GHR: variants seen among roughly 807,000 people sequenced by gnomAD.
GHR encodes the protein growth hormone receptor, also known as GH receptor.
GHR carries 35 observed loss-of-function variants against 67.1 expected under a neutral mutation model. The ratio of observed to expected loss-of-function variants is 0.52; its 90% CI spans 0.40 to 0.69. The LOEUF is 0.69. Ranked by LOEUF, GHR falls within the 30% of genes least tolerant of loss-of-function variation. GHR has a pLI of 0.00. For missense variants in GHR, 792 were observed against 764.6 expected, an observed-to-expected ratio of 1.04 and a Z score of -0.42; for synonymous variants, 272 against 269.1, an observed-to-expected ratio of 1.01 and a Z score of -0.10.
At chr5:42,646,935 T>C (rs1204844875) in intron 3 of GHR, among the ~76,000 whole-genome samples, 1 of 152,142 alleles carries the variant, frequency 6.6e-6, no homozygotes, top group African/African-American at 2.4e-5. Flanking sequence ...TTTTTTGGCT[T>C]CTTGAGATCT....
intron 2 of GHR, among the ~76,000 whole-genome samples, chr5:42,568,891 G>C (rs1335305547): frequency 1.3e-5 from 2 of 152,160 alleles, no homozygotes; most frequent in Non-Finnish European, 2.9e-5. Context: ...TGCACCTATG[G>C]CTATGAGGAA....
intron 1 of GHR, among the ~76,000 whole-genome samples, chr5:42,560,564 A>C (rs1356320086): frequency 6.6e-6 from 1 of 152,164 alleles, no homozygotes; most frequent in Non-Finnish European, 1.5e-5. Flanking sequence ...TCTTCACATT[A>C]AATTCACATG....
At chr5:42,466,203 G>A (rs1351684469) in intron 1 of GHR, among the ~76,000 whole-genome samples, 1 of 152,064 alleles carries the variant, frequency 6.6e-6, no homozygotes, top group African/African-American at 2.4e-5. Flanking sequence ...TTGAGGGCTT[G>A]GCCATGCACA....
intron 3 of GHR, among the ~76,000 whole-genome samples, chr5:42,637,091 G>A (rs1327700466): frequency 6.6e-6 from 1 of 152,062 alleles, no homozygotes; most frequent in African/African-American, 2.4e-5. Flanking sequence ...TGGCAAACAG[G>A]CCCTCAGACC....
intron 1 of GHR, among the ~76,000 whole-genome samples, chr5:42,508,164 A>C (rs73083478): frequency 6.6e-6 from 1 of 152,170 alleles, no homozygotes; most frequent in African/African-American, 2.4e-5. Context: ...AGCAGCCAGG[A>C]GAATTGCTGG....
At chr5:42,707,218 C>T (rs1054226773) in intron 6 of GHR, among the ~76,000 whole-genome samples, 8 of 151,634 alleles carry the variant, frequency 5.3e-5, no homozygotes, top group African/African-American at 1.7e-4. Flanking sequence ...CTCCACATAC[C>T]GCCCCCCCAA....
At chr5:42,665,048 C>T (rs1193763240) in intron 3 of GHR, among the ~76,000 whole-genome samples, 1 of 152,170 alleles carries the variant, frequency 6.6e-6, no homozygotes, top group African/African-American at 2.4e-5. Flanking sequence ...CAATGAGATA[C>T]CATCTCACAC....
intron 1 of GHR, among the ~76,000 whole-genome samples, chr5:42,496,595 G>A (rs770135427): frequency 6.6e-5 from 10 of 152,084 alleles, no homozygotes; most frequent in African/African-American, 1.7e-4. Flanking sequence ...TGTCAGGTAC[G>A]TCTTGTCCCA....
chr5:42,463,384 G>T (rs989656591), intron 1 of GHR, among the ~76,000 whole-genome samples: 3 of 152,168 alleles, frequency 2.0e-5, no homozygotes, highest in Non-Finnish European at 4.4e-5. Context: ...TACATCCCAA[G>T]ATTATGAGGG....
chr5:42,426,248 A>G (rs1742848984), intron 1 of GHR, among the ~76,000 whole-genome samples: 1 of 152,226 alleles, frequency 6.6e-6, no homozygotes, highest in Admixed American at 6.5e-5. Flanking sequence ...TTCCAAGTGC[A>G]TGAAGCAAAT....
At chr5:42,644,082 A>G (rs374578976) in intron 3 of GHR, among the ~76,000 whole-genome samples, 1 of 151,936 alleles carries the variant, frequency 6.6e-6, no homozygotes, top group East Asian at 1.9e-4. Flanking sequence ...CTCTAATGAC[A>G]TAATAGATTT....
In GHR at chr5:42,718,940, C is replaced by T. The variant is rs1758872741; in HGVS notation, c.1433C>T (p.Pro478Leu). The stretch of plus-strand genomic sequence containing the variant: ...GCTGCCCATATTCAGCTAAGCAATC[C>T]AAGTTCACTGTCAAACATCGACTTT... ...HQAAHIQLSNPSSLSNIDFYA... is the reference protein window; with the variant it reads ...HQAAHIQLSNLSSLSNIDFYA... The change falls in exon 10 of 10, where the codon CCA becomes CTA. Residue 478 changes from proline (P) to leucine (L), a missense_variant. Coordinates refer to ENST00000230882, the MANE Select transcript of GHR (RefSeq NM_000163.5). The T allele has an allele frequency of 1.9e-6, 3 of 1,613,968 alleles. No homozygotes were observed. Among genetic ancestry groups the T allele is most frequent in the Non-Finnish European group, 2.5e-6 (3 of 1,179,884 alleles).
At chr5:42,498,162 C>G (rs1746396903) in intron 1 of GHR, among the ~76,000 whole-genome samples, 1 of 152,204 alleles carries the variant, frequency 6.6e-6, no homozygotes, top group African/African-American at 2.4e-5. Context: ...ACCTTGGGTT[C>G]CTGCTGCTCA....
intron 1 of GHR, among the ~76,000 whole-genome samples, chr5:42,425,485 AC>A (rs555758651): frequency 1.9e-3 from 296 of 152,208 alleles, no homozygotes; most frequent in African/African-American, 6.9e-3. Context: ...AAATGTTGAA[AC>A]CTTTCCAGAA....
intron 2 of GHR, among the ~76,000 whole-genome samples, chr5:42,584,741 G>C (rs1283417196): frequency 6.6e-6 from 1 of 151,736 alleles, no homozygotes; most frequent in Non-Finnish European, 1.5e-5. Context: ...CATTATTGCT[G>C]TTAGAACACT....
intron 3 of GHR, among the ~76,000 whole-genome samples, chr5:42,652,303 G>A (rs1336727541): frequency 6.6e-6 from 1 of 151,018 alleles, no homozygotes; most frequent in African/African-American, 2.4e-5. Context: ...CATTCATGTG[G>A]TGAAGTTGAC....
chr5:42,432,614 T>C (rs1170640121), intron 1 of GHR, among the ~76,000 whole-genome samples: 1 of 152,190 alleles, frequency 6.6e-6, no homozygotes, highest in Non-Finnish European at 1.5e-5. Context: ...CATATGTGAA[T>C]GATAAATTCT....
In GHR at chr5:42,424,623, A is replaced by C; in HGVS notation, c.-12+668A>C. On this transcript the variant is annotated intron_variant, in intron 1 of 9. Coordinates refer to ENST00000230882, the MANE Select transcript of GHR (RefSeq NM_000163.5). This position sits in a 1 kb window ranked among gnomAD's most constrained non-coding sequence, Gnocchi z 4.1. ...GGTAAGTGGAAATTGTGGCGAGCCGACCTCCCCCAGCTTTTGACACACTAG... is the reference window on the plus strand; with the variant it reads ...GGTAAGTGGAAATTGTGGCGAGCCGCCCTCCCCCAGCTTTTGACACACTAG... The C allele has an allele frequency of 6.5e-7, 1 of 1,531,224 alleles. No homozygotes were observed. Among genetic ancestry groups the C allele is most frequent in the Non-Finnish European group, 8.7e-7 (1 of 1,143,180 alleles). The allele number at this position is 1,531,224 out of a possible 1,614,324, so 94.9% of individuals were successfully genotyped here. A position where few individuals can be genotyped will look rare whatever the true frequency, so the allele number is the denominator to read the frequency against.
intron 5 of GHR, among the ~76,000 whole-genome samples, chr5:42,696,987 G>A (rs1213907994): frequency 2.0e-5 from 3 of 152,176 alleles, no homozygotes; most frequent in South Asian, 2.1e-4. Context: ...TTGTTGCAAT[G>A]TGAAACGTAG....
Sources: allele counts gnomAD v4.1 joint callset (sites outside exome capture counted in the v4.1 genomes callset), GRCh38; gene constraint gnomAD v4.1.1; non-coding constraint Gnocchi (gnomAD v3.1); transcripts MANE v1.5; gene names NCBI Gene and HGNC (gene_info 2026-07-23, HGNC 2026-07-21).